Variants in EPHA7 observed in about 807,000 individuals in gnomAD.
The protein encoded by EPHA7 is ephrin type-A receptor 7.
EPHA7 carries 25 observed loss-of-function variants against 112.6 expected under a neutral mutation model. The ratio of observed to expected loss-of-function variants is 0.22; its 90% CI spans 0.16 to 0.31. EPHA7 has a LOEUF of 0.31. Ranked by LOEUF, EPHA7 falls within the 10% of genes least tolerant of loss-of-function variation. The pLI, the probability that EPHA7 is intolerant of heterozygous loss-of-function variation, is 1.00. For missense variants in EPHA7, 962 were observed against 1,212.6 expected, an observed-to-expected ratio of 0.79 and a Z score of 3.07; for synonymous variants, 437 against 406.5, an observed-to-expected ratio of 1.07 and a Z score of -0.90.
At position 93,411,127 on chromosome 6, in the gene EPHA7, C is replaced by T. The variant is rs1465346253; in HGVS notation, c.206G>A (p.Arg69Gln). 1 of 1,613,720 alleles carries T rather than the reference C, an allele frequency of 6.2e-7. No homozygotes were observed. Among genetic ancestry groups the T allele is most frequent in the Admixed American group, 1.7e-5 (1 of 59,994 alleles). ...SGLDENYTPIRTYQVCQVMEP... is the reference protein window; with the variant it reads ...SGLDENYTPIQTYQVCQVMEP... The stretch of plus-strand genomic sequence containing the variant: ...CATGACTTGGCACACCTGGTATGTT[C>T]GTATCGGGGTATAGTTCTCATCCAA... Residue 69 changes from arginine to glutamine, a missense_variant, in exon 3 of 17, where the codon CGA (arginine) becomes CAA (glutamine). Arg to Gln is a conservative substitution (Grantham distance 43). Coordinates refer to ENST00000369303, the MANE Select transcript of EPHA7 (RefSeq NM_004440.4).
Position 93,263,900 on chromosome 6 carries a change from G to T in EPHA7, c.1758C>A (p.Ser586Arg). Residue 586 changes from serine (S) to arginine (R), a missense_variant, in exon 9 of 17, where the codon AGC (serine) becomes AGA (arginine). Transcript: ENST00000369303. The stretch of plus-strand genomic sequence containing the variant: ...CTTCATCGCCTTCTTGGTCAGCTTT[G>T]CTATAACCACAGTGCCTTGAAGAAA... The part of the protein sequence containing the change: ...FIIGRRHCGY[S>R]KADQEGDEEL... The T allele has an allele frequency of 1.2e-6, 2 of 1,609,336 alleles. No homozygotes were observed. The highest frequency in any genetic ancestry group is 1.7e-6 in the Non-Finnish European group (2 of 1,177,004).
intron 3 of EPHA7, among the ~76,000 whole-genome samples, chr6:93,377,147 T>C (rs1434699603): frequency 6.6e-6 from 1 of 152,192 alleles, no homozygotes; most frequent in Non-Finnish European, 1.5e-5. Context: ...ACACTTTCCA[T>C]GATCATAACT....
intron 3 of EPHA7, among the ~76,000 whole-genome samples, chr6:93,380,859 C>A (rs748915146): frequency 6.6e-6 from 1 of 151,910 alleles, no homozygotes; most frequent in South Asian, 2.1e-4. Flanking sequence ...TATTAAAAAC[C>A]CTGTTTTTTC....
At chr6:93,344,672 T>C (rs1775305323) in intron 5 of EPHA7, among the ~76,000 whole-genome samples, 1 of 151,576 alleles carries the variant, frequency 6.6e-6, no homozygotes. Flanking sequence ...TTTCTCATGG[T>C]TCCAAATTTT....
chr6:93,382,735 C>T (rs1205353055), intron 3 of EPHA7, among the ~76,000 whole-genome samples: 2 of 152,022 alleles, frequency 1.3e-5, no homozygotes, highest in South Asian at 4.1e-4. Flanking sequence ...TGTGGGTGTC[C>T]GTGAAAAACT....
At chr6:93,362,050 T>C (rs1049825897) in intron 3 of EPHA7, among the ~76,000 whole-genome samples, 1 of 152,138 alleles carries the variant, frequency 6.6e-6, no homozygotes, top group Non-Finnish European at 1.5e-5. Context: ...AACAGTATTT[T>C]TACATGATAC....
At chr6:93,318,408 T>C (rs1773909177) in intron 5 of EPHA7, among the ~76,000 whole-genome samples, 1 of 152,042 alleles carries the variant, frequency 6.6e-6, no homozygotes, top group Non-Finnish European at 1.5e-5. Flanking sequence ...CCCTAATTCA[T>C]TGTATCTAAG....
chr6:93,253,643 T>C (rs1770312075), intron 14 of EPHA7, among the ~76,000 whole-genome samples: 1 of 152,074 alleles, frequency 6.6e-6, no homozygotes, highest in African/African-American at 2.4e-5. Context: ...TTACCACAAG[T>C]GTACTACATC....
rs368356014 is a variant in EPHA7, at chr6:93,311,648, T to A, written c.1325-39226A>T. Among the ~76,000 whole-genome samples the A allele has an allele frequency of 8.6e-5, 13 of 151,816 alleles. No homozygotes were observed. The South Asian group carries it at 1.2e-3, about 15-fold the overall frequency. On this transcript the variant is annotated intron_variant, in intron 5 of 16. Coordinates refer to ENST00000369303, the MANE Select transcript of EPHA7 (RefSeq NM_004440.4). ...ATCAACTTCTCCTAACTCCTATTGA[T>A]GTTGAAAATTTGACCTCCTCCCATG...
Position 93,241,293 on chromosome 6 carries a change from C to T in EPHA7, c.*2133G>A, listed in dbSNP as rs1426332665. ...TAGAATCCAAAAGGAATTAAGAACA[C>T]TCACTCAAACTCTTTCACTCATTCT... On this transcript the variant is annotated 3_prime_UTR_variant, in exon 17 of 17. Transcript: ENST00000369303. 4.5e-6 allele frequency: 1 copy of T among 220,626 alleles called. No individual in the cohort carries two copies. The highest frequency in any genetic ancestry group is 1.8e-4 in the South Asian group (1 of 5,426). 13.7% of individuals were successfully genotyped at this position (220,626 alleles called of 1,614,324 possible). A position where few individuals can be genotyped will look rare whatever the true frequency, so the allele number is the denominator to read the frequency against.
chr6:93,290,121 T>C (rs1348656520), intron 5 of EPHA7, among the ~76,000 whole-genome samples: 3 of 152,050 alleles, frequency 2.0e-5, no homozygotes, highest in African/African-American at 7.2e-5. Flanking sequence ...TATGTATATG[T>C]GCATAAATAT....
intron 5 of EPHA7, among the ~76,000 whole-genome samples, chr6:93,307,701 T>G (rs538735865): frequency 6.6e-6 from 1 of 152,298 alleles, no homozygotes; most frequent in Admixed American, 6.5e-5. Flanking sequence ...AAGATATGTA[T>G]GCACATATAT....
intron 12 of EPHA7, among the ~76,000 whole-genome samples, chr6:93,257,204 G>A (rs1770478964): frequency 6.6e-6 from 1 of 151,740 alleles, no homozygotes; most frequent in East Asian, 1.9e-4. Context: ...CAAATTACAG[G>A]GCTTCGGGCA....
chr6:93,402,341 T>C (rs914098833), intron 3 of EPHA7, among the ~76,000 whole-genome samples: 1 of 152,066 alleles, frequency 6.6e-6, no homozygotes, highest in African/African-American at 2.4e-5. Context: ...AATTGTGACA[T>C]GATTCTAATT....
chr6:93,253,567 T>C (rs1208336658), intron 14 of EPHA7, among the ~76,000 whole-genome samples: 2 of 152,060 alleles, frequency 1.3e-5, no homozygotes, highest in African/African-American at 2.4e-5. Flanking sequence ...TTTGCATTAG[T>C]ATCATTTCCA....
chr6:93,416,667 G>A (rs1779244063), intron 1 of EPHA7, among the ~76,000 whole-genome samples: 1 of 152,230 alleles, frequency 6.6e-6, no homozygotes, highest in Non-Finnish European at 1.5e-5. Context: ...TTCCCGCTCG[G>A]AGCAGAGTGC....
rs1778916470 is a variant in EPHA7 at position 93,410,384 on chromosome 6, G to C, written c.832+117C>G. On this transcript the variant is annotated intron_variant, in intron 3 of 16. Transcript: ENST00000369303. This position sits in a 1 kb window ranked among gnomAD's most constrained non-coding sequence, Gnocchi z 4.0. The stretch of plus-strand genomic sequence containing the variant: ...ACGGTGACTTTGTTTAAGATCTACT[G>C]AATTGCGCTTCTGGTACAGAGCAGA... The C allele has an allele frequency of 1.1e-6, 1 of 923,204 alleles. No homozygotes were observed. Among genetic ancestry groups the C allele is most frequent in the Non-Finnish European group, 1.6e-6 (1 of 611,028 alleles). The allele number at this position is 923,204 out of a possible 1,614,324, so 57.2% of individuals were successfully genotyped here. A position where few individuals can be genotyped will look rare whatever the true frequency, so the allele number is the denominator to read the frequency against.
chr6:93,364,535 C>CAAAAAA (rs35503890), intron 3 of EPHA7, among the ~76,000 whole-genome samples: 1 of 90,366 alleles, frequency 1.1e-5, no homozygotes, highest in African/African-American at 3.8e-5. Context: ...AACTCCGTCT[C>CAAAAAA]AAAAAAAAAA....
intron 1 of EPHA7, among the ~76,000 whole-genome samples, chr6:93,415,295 C>A (rs1050941860): frequency 6.6e-6 from 1 of 151,862 alleles, no homozygotes; most frequent in African/African-American, 2.4e-5. Flanking sequence ...ATGTTAAAAA[C>A]TGTTAAGCAA....
Sources: gnomAD v4.1 joint callset for allele counts (sites outside exome capture counted in the v4.1 genomes callset) on GRCh38, gnomAD v4.1.1 for gene constraint, Gnocchi (gnomAD v3.1) non-coding constraint, MANE v1.5 for transcripts, NCBI Gene and HGNC (gene_info 2026-07-23, HGNC 2026-07-21) for gene names.